Variants in SP3 observed in about 807,000 individuals in gnomAD.
SP3 encodes transcription factor Sp3.
Under a neutral mutation model 70.3 loss-of-function variants are expected in SP3, and 10 were observed. The observed-to-expected ratio is 0.14, with a 90% CI of 0.09 to 0.24. SP3 has a LOEUF of 0.24. Among genes scored for constraint, SP3 ranks in the 10% least tolerant of loss-of-function variants. The probability of loss-of-function intolerance (pLI) is 1.00; values close to 1 mark genes in which losing one functional copy is unlikely to be tolerated. For synonymous variants in SP3, 402 were observed against 333.5 expected (o/e 1.21, Z -2.24); for missense variants, 825 against 914.6 (o/e 0.90, Z 1.26).
intron 4 of SP3, among the ~76,000 whole-genome samples, chr2:173,953,447 C>T (rs1038464089): frequency 4.6e-5 from 7 of 151,358 alleles, no homozygotes; most frequent in Non-Finnish European, 7.4e-5. Flanking sequence ...TTTGGGAGAC[C>T]CACACCTGTA....
chr2:173,910,107 A>G lies in SP3; in HGVS notation c.2180T>C (p.Leu727Ser). 6.2e-7 allele frequency: 1 copy of G among 1,612,290 alleles called. No homozygotes were observed. Among genetic ancestry groups the G allele is most frequent in the Non-Finnish European group, 8.5e-7 (1 of 1,178,630 alleles). The change falls in exon 7 of 7, where the codon TTG (leucine) becomes TCG (serine). Residue 727 changes from leucine to serine, a missense_variant. Leu to Ser is a moderately radical substitution (Grantham distance 145). Transcript: ENST00000310015. ...AAGCGTTGTTCCTCCTGCAGTAATC[A>G]AAGTATCATCTCGCGCAGCTTCCAC... ...ASVEAARDDT[L>S]ITAGGTTLIL... is the part of the protein sequence containing the mutation.
Position 173,907,203 on chromosome 2 carries a change from A to C in SP3, c.*2738T>G, listed in dbSNP as rs1218467234. Reference sequence around the variant, plus strand: ...AATCGCGTCCACTAAATGTTACAACAGGAATTATTTGTACATAAATATATT... The same window carrying C: ...AATCGCGTCCACTAAATGTTACAACCGGAATTATTTGTACATAAATATATT... On this transcript the variant is annotated 3_prime_UTR_variant, in exon 7 of 7. Coordinates refer to ENST00000310015, the MANE Select transcript of SP3 (RefSeq NM_003111.5). The C allele has an allele frequency of 6.6e-6, 1 of 152,184 alleles. No individual in the cohort carries two copies. The highest frequency in any genetic ancestry group is 1.5e-5 in the Non-Finnish European group (1 of 68,006). The allele number at this position is 152,184 out of a possible 1,614,324, so 9.4% of individuals were successfully genotyped here.
chr2:173,919,518 C>T (rs1401828959), intron 4 of SP3, among the ~76,000 whole-genome samples: 5 of 152,010 alleles, frequency 3.3e-5, no homozygotes, highest in East Asian at 1.9e-4. Flanking sequence ...TACATGGTGG[C>T]TAGTTATTCT....
intron 5 of SP3, chr2:173,916,891 T>C (rs1185640678): frequency 6.6e-6 from 1 of 152,066 alleles, no homozygotes; most frequent in African/African-American, 2.4e-5. Context: ...TACAACAGAA[T>C]ACTATACAGC....
intron 4 of SP3, among the ~76,000 whole-genome samples, chr2:173,931,509 A>G (rs1017327516): frequency 6.6e-6 from 1 of 151,644 alleles, no homozygotes; most frequent in Non-Finnish European, 1.5e-5. Context: ...ATGCCCGGCT[A>G]ATTTTTGTAT....
At position 173,955,251 on chromosome 2, in the gene SP3, T is replaced by G; in HGVS notation, c.1261A>C (p.Ile421Leu). The G allele has an allele frequency of 6.2e-7, 1 of 1,614,130 alleles. No individual in the cohort carries two copies. The highest frequency in any genetic ancestry group is 8.5e-7 in the Non-Finnish European group (1 of 1,180,014). ...QIVQGITPQT[I>L]HGVQASGQNI... ...TGACCACTGGCTTGCACACCATGGATTGTCTGTGGTGTAATACCTTGCACA... is the reference window on the plus strand; with the variant it reads ...TGACCACTGGCTTGCACACCATGGAGTGTCTGTGGTGTAATACCTTGCACA... Residue 421 changes from isoleucine to leucine, a missense_variant, in exon 4 of 7, where the codon ATC (isoleucine) becomes CTC (leucine). Ile to Leu is a conservative substitution (Grantham distance 5). Transcript: ENST00000310015.
rs945475204 is a variant in SP3, at chr2:173,951,163, T to C, written c.1639+3710A>G. Among the ~76,000 whole-genome samples, 11 of 152,342 alleles carry C rather than the reference T, an allele frequency of 7.2e-5. No individual in the cohort carries two copies. In the East Asian group the frequency reaches 1.9e-3, roughly 27 times the overall value. On this transcript the variant is annotated intron_variant, in intron 4 of 6. Transcript: ENST00000310015. ...ATAAATCCACAAAAATCAAAGTTTCTAGATTTATTTTCTAACACCTATAGA... is the reference window on the plus strand; with the variant it reads ...ATAAATCCACAAAAATCAAAGTTTCCAGATTTATTTTCTAACACCTATAGA...
chr2:173,913,058 A>G lies in SP3; in HGVS notation c.2029+12T>C, dbSNP rs1164689224. On this transcript the variant is annotated intron_variant, in intron 6 of 6. Transcript: ENST00000310015. Reference sequence around the variant, plus strand: ...AATTCATTTTTGTCTGTTAAAAGTAAGTATTAGTAACCTGTATGTGTTCTT... The same window carrying G: ...AATTCATTTTTGTCTGTTAAAAGTAGGTATTAGTAACCTGTATGTGTTCTT... 6.5e-7 allele frequency: 1 copy of G among 1,550,012 alleles called. No homozygotes were observed. The highest frequency in any genetic ancestry group is 2.3e-5 in the East Asian group (1 of 43,336).
intron 1 of SP3, 199 bp from the exon 2 acceptor site, chr2:173,964,752 A>ACCCTCCTCCTCCTCCTCTTT (rs911531545): frequency 2.3e-5 from 9 of 392,668 alleles, no homozygotes; most frequent in East Asian, 8.1e-5. Context: ...GCTGCCTGTA[A>ACCCTCCTCCTCCTCCTCTTT]CCCTCCTCCT....
At position 173,965,319 on chromosome 2, in the gene SP3, G is replaced by T; in HGVS notation, c.-148C>A. The T allele has an allele frequency of 2.1e-6, 2 of 931,606 alleles. No individual in the cohort carries two copies. Among genetic ancestry groups the T allele is most frequent in the Non-Finnish European group, 3.3e-6 (2 of 611,488 alleles). 57.7% of individuals were successfully genotyped at this position (931,606 alleles called of 1,614,324 possible). A position where few individuals can be genotyped will look rare whatever the true frequency, so the allele number is the denominator to read the frequency against. On this transcript the variant is annotated 5_prime_UTR_variant, in exon 1 of 7. Coordinates refer to ENST00000310015, the MANE Select transcript of SP3 (RefSeq NM_003111.5). ...TTTTTTTTTCCTATTTTGATTGACT[G>T]TGCGGGAAACACAAAAGGTGGAGCC...
Position 173,956,128 on chromosome 2 carries a change from C to G in SP3, c.384G>C (p.Gln128His), listed in dbSNP as rs1690885454. The change falls in exon 4 of 7, where the codon CAG becomes CAC. Residue 128 changes from glutamine to histidine, a missense_variant. Transcript: ENST00000310015. ...CACTTGAAGTAGCAGCACTTGGAATCTGGACTAGATTACCAGCTTCATCTT... is the reference window on the plus strand; with the variant it reads ...CACTTGAAGTAGCAGCACTTGGAATGTGGACTAGATTACCAGCTTCATCTT... ...TIKDEAGNLV[Q>H]IPSAATSSGQ... The G allele has an allele frequency of 6.2e-7, 1 of 1,614,188 alleles. No homozygotes were observed. Among genetic ancestry groups the G allele is most frequent in the Non-Finnish European group, 8.5e-7 (1 of 1,180,020 alleles).
chr2:173,959,557 C>T (rs1373984300), intron 3 of SP3, among the ~76,000 whole-genome samples: 1 of 151,930 alleles, frequency 6.6e-6, no homozygotes, highest in Admixed American at 6.6e-5. Context: ...GAAACCCCGC[C>T]TCTACTAAAA....
At chr2:173,964,691 C>G (rs562227716) in intron 1 of SP3, 138 bp from the exon 2 acceptor site, 1 of 373,972 alleles carries the variant, frequency 2.7e-6, no homozygotes, top group Non-Finnish European at 4.7e-6. Flanking sequence ...CCCCCGGCGG[C>G]GGCGGCGGCG....
intron 1 of SP3, chr2:173,964,907 CA>C: frequency 1.9e-6 from 1 of 515,858 alleles, no homozygotes; most frequent in Non-Finnish European, 3.4e-6. Flanking sequence ...CGCGCCCGCA[CA>C]CAGGGGGATG....
chr2:173,964,575 G>A (rs1250999072), intron 1 of SP3, 22 bp from the exon 2 acceptor site: 18 of 674,704 alleles, frequency 2.7e-5, no homozygotes, highest in Non-Finnish European at 3.9e-5. Flanking sequence ...GCGCGGGGGG[G>A]TGGGGGTGGG....
rs779294349 is a variant in SP3 at position 173,963,788 on chromosome 2, T to G, written c.252A>C (p.Ala84=). Reference sequence around the variant, plus strand: ...CTCCGGCGGCGGCGGGGGCCCCGGCTGCGGCGGCCGCCTCCTCCTCGTCGT... The same window carrying G: ...CTCCGGCGGCGGCGGGGGCCCCGGCGGCGGCGGCCGCCTCCTCCTCGTCGT... ...PGDDEEEAAA[A]AGAPAAAGAT... is the part of the protein sequence containing the mutation. The change falls in exon 3 of 7, where the codon GCA becomes GCC. Residue 84 remains alanine (A), a synonymous_variant. Transcript: ENST00000310015. The G allele has an allele frequency of 7.2e-7, 1 of 1,391,974 alleles. No homozygotes were observed. The highest frequency in any genetic ancestry group is 9.5e-7 in the Non-Finnish European group (1 of 1,057,808). The allele number at this position is 1,391,974 out of a possible 1,614,324, so 86.2% of individuals were successfully genotyped here.
intron 4 of SP3, among the ~76,000 whole-genome samples, chr2:173,924,452 CCT>C (rs1219183866): frequency 9.2e-5 from 14 of 152,226 alleles, no homozygotes; most frequent in African/African-American, 1.4e-4. Flanking sequence ...TAGTTAAGCC[CCT>C]GTTAAGGGGA....
chr2:173,934,940 C>CT (rs1183788235), intron 4 of SP3, among the ~76,000 whole-genome samples: 1 of 152,090 alleles, frequency 6.6e-6, no homozygotes, highest in Admixed American at 6.6e-5. Context: ...GAATTAAATA[C>CT]TTTAAGTGGT....
In SP3 at chr2:173,922,951, A is replaced by G. The variant is rs144162755; in HGVS notation, c.1640-4166T>C. 3.3e-4 allele frequency among the ~76,000 whole-genome samples: 51 copies of G among 152,338 alleles called. 1 individual carries two copies. The highest frequency in any genetic ancestry group is 1.2e-3 in the African/African-American group (49 of 41,584). On this transcript the variant is annotated intron_variant, in intron 4 of 6. Coordinates refer to ENST00000310015, the MANE Select transcript of SP3 (RefSeq NM_003111.5). The stretch of plus-strand genomic sequence containing the variant: ...TAGCCCACAAGGGTAGATTTGACAC[A>G]TAAGGGTACCTGAAGTATTTGTAAA...
Sources: gnomAD v4.1 joint callset for allele counts (sites outside exome capture counted in the v4.1 genomes callset) on GRCh38, gnomAD v4.1.1 for gene constraint, MANE v1.5 for transcripts, NCBI Gene and HGNC (gene_info 2026-07-23, HGNC 2026-07-21) for gene names.